PARPBP: variants seen among roughly 807,000 people sequenced by gnomAD.
The protein encoded by PARPBP is PCNA-interacting partner.
Under a neutral mutation model 50.0 loss-of-function variants are expected in PARPBP, and 52 were observed. That is an observed-to-expected ratio of 1.04 (90% CI 0.83 to 1.31). PARPBP has a LOEUF of 1.31. Ranked by LOEUF, PARPBP falls within the 50% of genes most tolerant of loss-of-function variation. The pLI is 0.00. For missense variants in PARPBP, 697 were observed against 672.0 expected (o/e 1.04, Z -0.41); for synonymous variants, 244 against 232.1 (o/e 1.05, Z -0.47).
intron 6 of PARPBP, 105 bp from the exon 7 acceptor site, chr12:102,175,378 C>A: frequency 1.5e-6 from 1 of 686,672 alleles, no homozygotes; most frequent in Non-Finnish European, 2.4e-6. Context: ...AAGATCAAAG[C>A]TATATTCTTT....
intron 2 of PARPBP, among the ~76,000 whole-genome samples, chr12:102,134,744 CATT>C (rs929375169): frequency 6.6e-6 from 1 of 152,140 alleles, no homozygotes; most frequent in Non-Finnish European, 1.5e-5. Context: ...GTGGCACAAT[CATT>C]GTTCACTGCA....
chr12:102,146,997 G>A (rs1885454038), intron 2 of PARPBP, among the ~76,000 whole-genome samples: 2 of 152,160 alleles, frequency 1.3e-5, no homozygotes, highest in South Asian at 2.1e-4. Flanking sequence ...TCAGAGAAAT[G>A]CAAATCAAAA....
intron 4 of PARPBP, among the ~76,000 whole-genome samples, chr12:102,161,335 T>C (rs1196405153): frequency 1.3e-5 from 2 of 152,130 alleles, no homozygotes; most frequent in Non-Finnish European, 2.9e-5. Flanking sequence ...CTTGAACTCT[T>C]GGTCTCAAGT....
At chr12:102,131,329 G>GA (rs955730816) in intron 2 of PARPBP, among the ~76,000 whole-genome samples, 1 of 151,960 alleles carries the variant, frequency 6.6e-6, no homozygotes, top group Admixed American at 6.6e-5. Flanking sequence ...TGTCTCAAAA[G>GA]AAAAAACAAA....
intron 2 of PARPBP, among the ~76,000 whole-genome samples, chr12:102,141,154 A>C (rs933457661): frequency 1.3e-5 from 2 of 152,154 alleles, no homozygotes; most frequent in African/African-American, 4.8e-5. Context: ...TTGCTATATG[A>C]ATCTGGGTGC....
intron 7 of PARPBP, among the ~76,000 whole-genome samples, chr12:102,176,233 C>T (rs1323767840): frequency 2.6e-5 from 4 of 152,238 alleles, no homozygotes; most frequent in African/African-American, 9.6e-5. Flanking sequence ...CTGCCCGCCT[C>T]GGCCTCCCAA....
At chr12:102,179,658 C>A (rs1889640053) in intron 8 of PARPBP, among the ~76,000 whole-genome samples, 1 of 152,142 alleles carries the variant, frequency 6.6e-6, no homozygotes, top group Admixed American at 6.5e-5. Context: ...CTCATTTAAT[C>A]TTAATTACCT....
intron 2 of PARPBP, among the ~76,000 whole-genome samples, chr12:102,138,876 T>C (rs1884097468): frequency 6.6e-6 from 1 of 152,190 alleles, no homozygotes. Context: ...TACCATGCTG[T>C]TTTGGTTACT....
chr12:102,195,432 G>C lies in PARPBP; in HGVS notation c.1384G>C (p.Glu462Gln), dbSNP rs1467108500. 1 of 1,588,322 alleles carries C rather than the reference G, an allele frequency of 6.3e-7. No individual in the cohort carries two copies. The highest frequency in any genetic ancestry group is 2.3e-5 in the East Asian group (1 of 44,084). Residue 462 changes from glutamate (E) to glutamine (Q), a missense_variant, in exon 10 of 11, where the codon GAA becomes CAA. Transcript: ENST00000327680. ...AAAGCCTTTGTGTGTTCTTTACATG[G>C]AAAATGACCTTTCTGGTAATTGACC... ...ASKPLCVLYM[E>Q]NDLSEGVNPS... is the part of the protein sequence containing the mutation.
intron 8 of PARPBP, 137 bp from the exon 9 acceptor site, chr12:102,182,412 T>C (rs1011150972): frequency 6.5e-6 from 4 of 619,210 alleles, no homozygotes; most frequent in Non-Finnish European, 1.2e-5. Context: ...TTATGATGAG[T>C]TTATCTGGGA....
chr12:102,155,046 T>G, intron 4 of PARPBP: 1 of 320,152 alleles, frequency 3.1e-6, no homozygotes, highest in Non-Finnish European at 6.1e-6. Flanking sequence ...TCAGAAAATC[T>G]TTGAATCTAC....
rs143381396 is a variant in PARPBP, at chr12:102,136,009, C to T, written c.153+11968C>T. ...AGTATGATCATCTTTACCTTGATGT[C>T]CCTGTACTGTTTCCACATCATTTTT... is the stretch of plus-strand genomic sequence containing the variant. On this transcript the variant is annotated intron_variant, in intron 2 of 10. Transcript: ENST00000327680. Among the ~76,000 whole-genome samples, 11 of 152,098 alleles carry T rather than the reference C, an allele frequency of 7.2e-5. No homozygotes were observed. The East Asian group carries it at 2.2e-3, about 30-fold the overall frequency.
At position 102,175,525 on chromosome 12, in the gene PARPBP, G is replaced by C; in HGVS notation, c.864G>C (p.Leu288=). ...TACTGTCAGTGATAAAGATGCAACTGATTAAAGGCCAAAACAGCAGGGATC... is the reference window on the plus strand; with the variant it reads ...TACTGTCAGTGATAAAGATGCAACTCATTAAAGGCCAAAACAGCAGGGATC... ...GQILSVIKMQ[L]IKGQNSRDPF... The change falls in exon 7 of 11, where the codon CTG becomes CTC. Residue 288 remains leucine (L), a synonymous_variant. Coordinates refer to ENST00000327680, the MANE Select transcript of PARPBP (RefSeq NM_017915.5). The C allele has an allele frequency of 6.2e-7, 1 of 1,613,790 alleles. No individual in the cohort carries two copies. Among genetic ancestry groups the C allele is most frequent in the Non-Finnish European group, 8.5e-7 (1 of 1,179,766 alleles).
chr12:102,170,395 A>G (rs1888570141), intron 6 of PARPBP, among the ~76,000 whole-genome samples: 1 of 152,224 alleles, frequency 6.6e-6, no homozygotes, highest in Non-Finnish European at 1.5e-5. Flanking sequence ...CATAGGCTAT[A>G]TGGCATAGCC....
intron 8 of PARPBP, among the ~76,000 whole-genome samples, chr12:102,181,343 C>T (rs1202446607): frequency 2.6e-5 from 4 of 152,084 alleles, no homozygotes; most frequent in African/African-American, 7.2e-5. Flanking sequence ...TACAGTTATG[C>T]ATTGTTTAAT....
intron 6 of PARPBP, among the ~76,000 whole-genome samples, chr12:102,171,641 C>T (rs61938261): frequency 0.02 from 3,051 of 152,052 alleles, 45 homozygotes; most frequent in African/African-American, 0.028. Flanking sequence ...CCGAGGCGGG[C>T]GGATCACGAG....
rs140070181 is a variant in PARPBP, at chr12:102,178,724, G to C, written c.1138G>C (p.Glu380Gln). 411 of 1,612,828 alleles carry C rather than the reference G, an allele frequency of 2.5e-4. No homozygotes were observed. Among genetic ancestry groups the C allele is most frequent in the Non-Finnish European group, 3.4e-4 (397 of 1,179,462 alleles). ...CAAAGCAGAGCTTTTATATGATGAG[G>C]AAAACACAATCCATCATCATGGAAC... is the stretch of plus-strand genomic sequence containing the variant. ...KNKAELLYDE[E>Q]NTIHHHGTSI... Residue 380 changes from glutamate (E) to glutamine (Q), a missense_variant, in exon 8 of 11, where the codon GAA becomes CAA. By Grantham distance (29) the Glu-to-Gln change is conservative. Coordinates refer to ENST00000327680, the MANE Select transcript of PARPBP (RefSeq NM_017915.5).
chr12:102,162,889 A>T (rs868096426), intron 4 of PARPBP, among the ~76,000 whole-genome samples: 2 of 151,300 alleles, frequency 1.3e-5, no homozygotes, highest in Non-Finnish European at 2.9e-5. Context: ...TCCTTTTCTC[A>T]TTGTGCTTCT....
chr12:102,196,244 A>T lies in PARPBP; in HGVS notation c.1693A>T (p.Lys565Ter), dbSNP rs199618358. 5 of 1,601,604 alleles carry T rather than the reference A, an allele frequency of 3.1e-6. No individual in the cohort carries two copies. The highest frequency in any genetic ancestry group is 1.3e-5 in the African/African-American group (1 of 74,158). ...AAGTAATAAATGTACTGCCAAGGAC[A>T]AGTTGATTTCTGGCCAGGCAAAGTT... ...AKSNKCTAKD[K>*]LISGQAKLTQ... Residue 565 changes from lysine to a stop codon, truncating the protein, a stop_gained, in exon 11 of 11, where the codon AAG (lysine) becomes TAG (stop). Coordinates refer to ENST00000327680, the MANE Select transcript of PARPBP (RefSeq NM_017915.5). LOFTEE classifies it high-confidence loss of function.
Sources: gnomAD v4.1 joint callset for allele counts (sites outside exome capture counted in the v4.1 genomes callset) on GRCh38, gnomAD v4.1.1 for gene constraint, MANE v1.5 for transcripts, NCBI Gene and HGNC (gene_info 2026-07-23, HGNC 2026-07-21) for gene names.